The following LHFPL3 variants were observed in gnomAD, a reference collection of about 807,000 sequenced individuals.
LHFPL3 encodes the protein LHFPL tetraspan subfamily member 3.
Under a neutral mutation model 19.3 loss-of-function variants are expected in LHFPL3, and 5 were observed. The observed-to-expected ratio is 0.26, with a 90% CI of 0.14 to 0.54. The LOEUF is 0.54. LHFPL3 is among the 20% of genes least tolerant of loss of function. The pLI, the probability that LHFPL3 is intolerant of heterozygous loss-of-function variation, is 0.94. For missense variants in LHFPL3, 249 were observed against 307.4 expected, an observed-to-expected ratio of 0.81 and a Z score of 1.42; for synonymous variants, 133 against 126.2, an observed-to-expected ratio of 1.05 and a Z score of -0.36.
rs114235687 is a variant in LHFPL3, at chr7:104,542,697, A to G, written c.446-193978A>G. Among the ~76,000 whole-genome samples, 322 of 152,146 alleles carry G rather than the reference A, an allele frequency of 2.1e-3. 2 individuals are homozygous for G. The highest frequency in any genetic ancestry group is 7.2e-3 in the African/African-American group (298 of 41,510). ...CTAAAACCACCCAGTGCATGGGGGG[A>G]GAGAAAAGACAATTGATGTTGCTTC... On this transcript the variant is annotated intron_variant, in intron 1 of 2. Transcript: ENST00000424859.
intron 1 of LHFPL3, among the ~76,000 whole-genome samples, chr7:104,466,995 A>G (rs755857641): frequency 6.6e-6 from 1 of 152,206 alleles, no homozygotes; most frequent in African/African-American, 2.4e-5. Context: ...ATGGTTCTCC[A>G]GTGGTCAACA....
At chr7:104,393,594 T>C (rs1466351850) in intron 1 of LHFPL3, among the ~76,000 whole-genome samples, 2 of 152,044 alleles carry the variant, frequency 1.3e-5, no homozygotes, top group African/African-American at 4.8e-5. Flanking sequence ...TGCACACCTG[T>C]AATCCCAACT....
At chr7:104,566,542 A>T (rs185530657) in intron 1 of LHFPL3, among the ~76,000 whole-genome samples, 1 of 152,206 alleles carries the variant, frequency 6.6e-6, no homozygotes, top group Non-Finnish European at 1.5e-5. Context: ...GGGTTTTCAC[A>T]TAAGAACCAA....
chr7:104,415,863 A>G (rs1033527741), intron 1 of LHFPL3, among the ~76,000 whole-genome samples: 2 of 152,220 alleles, frequency 1.3e-5, no homozygotes, highest in Non-Finnish European at 2.9e-5. Context: ...ACAGGGTCCA[A>G]TCAGGTCACA....
chr7:104,430,420 A>ACG lies in LHFPL3; in HGVS notation c.445+101196_445+101197insCG, dbSNP rs1562895212. On this transcript the variant is annotated intron_variant, in intron 1 of 2. Coordinates refer to ENST00000424859, the MANE Select transcript of LHFPL3 (RefSeq NM_199000.3). ...TATATATATACATATATATATATAC[A>ACG]TATATATATATATATATATATATAT... Among the ~76,000 whole-genome samples the ACG allele has an allele frequency of 1.2e-3, 14 of 11,790 alleles. 1 individual carries two copies. Among genetic ancestry groups the ACG allele is most frequent in the African/African-American group, 3.1e-3 (13 of 4,180 alleles). The allele number at this position is 11,790 out of a possible 152,430, so 7.7% of individuals were successfully genotyped here.
intron 1 of LHFPL3, among the ~76,000 whole-genome samples, chr7:104,430,795 T>C (rs1791989475): frequency 6.6e-6 from 1 of 151,786 alleles, no homozygotes; most frequent in African/African-American, 2.4e-5. Flanking sequence ...TTAAGCAAAA[T>C]GTTCTGTCTT....
chr7:104,689,660 A>C (rs1792872929), intron 1 of LHFPL3, among the ~76,000 whole-genome samples: 1 of 152,158 alleles, frequency 6.6e-6, no homozygotes, highest in African/African-American at 2.4e-5. Context: ...TAGCAGAGTA[A>C]CTGTGCATTG....
intron 1 of LHFPL3, among the ~76,000 whole-genome samples, chr7:104,383,453 T>C (rs896755962): frequency 6.6e-6 from 1 of 152,236 alleles, no homozygotes; most frequent in South Asian, 2.1e-4. Flanking sequence ...TAACCAGATA[T>C]GCAAACAGGC....
intron 1 of LHFPL3, among the ~76,000 whole-genome samples, chr7:104,560,887 G>A (rs1789980960): frequency 6.7e-6 from 1 of 149,858 alleles, no homozygotes; most frequent in South Asian, 2.1e-4. Context: ...TTGTGTCTTT[G>A]TTCTCGTTGG....
At chr7:104,389,202 C>T (rs548457666) in intron 1 of LHFPL3, among the ~76,000 whole-genome samples, 2 of 152,164 alleles carry the variant, frequency 1.3e-5, no homozygotes, top group South Asian at 2.1e-4. Flanking sequence ...CAATATACAA[C>T]AATCAATTGT....
intron 1 of LHFPL3, among the ~76,000 whole-genome samples, chr7:104,403,755 CT>C (rs1791363073): frequency 6.6e-6 from 1 of 151,124 alleles, no homozygotes; most frequent in Non-Finnish European, 1.5e-5. Flanking sequence ...CTCTCTCTCT[CT>C]CTCATCATTA....
chr7:104,378,089 A>G (rs921130939), intron 1 of LHFPL3, among the ~76,000 whole-genome samples: 7 of 152,302 alleles, frequency 4.6e-5, no homozygotes, highest in African/African-American at 1.7e-4. Flanking sequence ...TACAGTTTAT[A>G]GAGTTTTATT....
chr7:104,452,031 C>T (rs1257330870), intron 1 of LHFPL3, among the ~76,000 whole-genome samples: 2 of 151,992 alleles, frequency 1.3e-5, no homozygotes, highest in Admixed American at 6.6e-5. Flanking sequence ...CAGGGGTGGG[C>T]CACCGCACCC....
chr7:104,501,952 G>C (rs570635892), intron 1 of LHFPL3, among the ~76,000 whole-genome samples: 2 of 152,126 alleles, frequency 1.3e-5, no homozygotes, highest in Non-Finnish European at 2.9e-5. Context: ...ACTGTTCTAG[G>C]AATCAAATTA....
chr7:104,749,584 C>T (rs944285034), intron 2 of LHFPL3, among the ~76,000 whole-genome samples: 10 of 151,912 alleles, frequency 6.6e-5, no homozygotes, highest in East Asian at 3.9e-4. Flanking sequence ...GGATCATGGC[C>T]GGAGAGGGCA....
At chr7:104,499,972 A>T (rs1335922583) in intron 1 of LHFPL3, among the ~76,000 whole-genome samples, 1 of 152,240 alleles carries the variant, frequency 6.6e-6, no homozygotes, top group African/African-American at 2.4e-5. Flanking sequence ...AATGCAGTAA[A>T]TGTATTATTC....
chr7:104,750,041 C>T (rs949681383), intron 2 of LHFPL3, among the ~76,000 whole-genome samples: 2 of 152,018 alleles, frequency 1.3e-5, no homozygotes, highest in African/African-American at 4.8e-5. Context: ...ATTTCCGCAC[C>T]CCATTGTTGT....
intron 2 of LHFPL3, among the ~76,000 whole-genome samples, chr7:104,868,491 T>A (rs551804910): frequency 1.3e-5 from 2 of 151,862 alleles, no homozygotes; most frequent in African/African-American, 4.8e-5. Flanking sequence ...TCAAAAAAAA[T>A]AAAATACCTA....
rs189016416 is a variant in LHFPL3 at position 104,353,464 on chromosome 7, T to G, written c.445+24240T>G. ...TTCCTCAGGCCTTGGTTTGGGACTG[T>G]GTTCCTGAAAGACACAATGATAAAT... On this transcript the variant is annotated intron_variant, in intron 1 of 2. Coordinates refer to ENST00000424859, the MANE Select transcript of LHFPL3 (RefSeq NM_199000.3). 7.9e-4 allele frequency among the ~76,000 whole-genome samples: 121 copies of G among 152,350 alleles called. 1 individual carries two copies. Among genetic ancestry groups the G allele is most frequent in the Admixed American group, 8.5e-4 (13 of 15,304 alleles).
Sources: gnomAD v4.1 joint callset for allele counts (sites outside exome capture counted in the v4.1 genomes callset) on GRCh38, gnomAD v4.1.1 for gene constraint, MANE v1.5 for transcripts, NCBI Gene and HGNC (gene_info 2026-07-23, HGNC 2026-07-21) for gene names.